The following RANBP2 variants were observed in gnomAD, a reference collection of about 807,000 sequenced individuals.
The protein encoded by RANBP2 is RAN binding protein 2.
RANBP2 carries 57 observed loss-of-function variants against 303.6 expected under a neutral mutation model. That is an observed-to-expected ratio of 0.19 (90% CI 0.15 to 0.23). RANBP2 has a LOEUF of 0.23. Ranked by LOEUF, RANBP2 falls within the 10% of genes least tolerant of loss-of-function variation. The pLI, the probability that RANBP2 is intolerant of heterozygous loss-of-function variation, is 1.00. For missense variants in RANBP2, 3,138 were observed against 3,780.8 expected (o/e 0.83, Z 4.46); for synonymous variants, 1,167 against 1,301.5 (o/e 0.90, Z 2.23).
At chr2:108,926,862 G>T in the RANBP2 span, among the ~76,000 whole-genome samples, 1 of 152,340 alleles carries the variant, frequency 6.6e-6, no homozygotes, top group Admixed American at 6.5e-5. Flanking sequence ...AGGAATGAAC[G>T]CAGCCTTTCA....
the RANBP2 span, among the ~76,000 whole-genome samples, chr2:109,403,543 C>T: frequency 6.6e-6 from 1 of 152,246 alleles, no homozygotes; most frequent in East Asian, 1.9e-4. Context: ...CCAGTTTACT[C>T]CATAAAATGC....
chr2:109,243,244 T>C, the RANBP2 span, among the ~76,000 whole-genome samples: 2 of 152,202 alleles, frequency 1.3e-5, no homozygotes, highest in Non-Finnish European at 2.9e-5. Context: ...GAGGGACCCA[T>C]CAGCAACTGC....
At chr2:109,512,523 G>A in the RANBP2 span, among the ~76,000 whole-genome samples, 1 of 151,972 alleles carries the variant, frequency 6.6e-6, no homozygotes, top group Non-Finnish European at 1.5e-5. Flanking sequence ...AAGTCCCCTC[G>A]CTACCCTCCC....
chr2:109,447,164 A>AG, the RANBP2 span, among the ~76,000 whole-genome samples: 4 of 149,878 alleles, frequency 2.7e-5, no homozygotes, highest in East Asian at 1.9e-4. Flanking sequence ...AAAAAAAAAA[A>AG]AAAAGAAAAG....
chr2:108,879,261 T>G, the RANBP2 span, among the ~76,000 whole-genome samples: 3 of 152,210 alleles, frequency 2.0e-5, no homozygotes, highest in Admixed American at 6.5e-5. Context: ...CATGAACCAA[T>G]GTGCCTAGCC....
the RANBP2 span, among the ~76,000 whole-genome samples, chr2:109,146,006 G>A: frequency 3.9e-5 from 6 of 152,156 alleles, no homozygotes; most frequent in African/African-American, 1.4e-4. Context: ...CCTCCCGGCC[G>A]CAGTGTCCTT....
chr2:109,476,234 A>G, the RANBP2 span, among the ~76,000 whole-genome samples: 5 of 152,334 alleles, frequency 3.3e-5, no homozygotes, highest in East Asian at 9.6e-4. Flanking sequence ...CAGGCCTGCT[A>G]GCACCCACAG....
the RANBP2 span, among the ~76,000 whole-genome samples, chr2:109,000,553 C>A: frequency 3.3e-5 from 5 of 152,040 alleles, no homozygotes; most frequent in Admixed American, 3.3e-4. Context: ...AAACAAAAAC[C>A]CAAAATAAAC....
the RANBP2 span, chr2:109,737,118 A>G: frequency 1.7e-6 from 2 of 1,202,268 alleles, no homozygotes; most frequent in African/African-American, 3.1e-5. Flanking sequence ...CATACAAAAT[A>G]TTCCAGACAA....
At chr2:108,868,254 A>G in the RANBP2 span, among the ~76,000 whole-genome samples, 2 of 152,198 alleles carry the variant, frequency 1.3e-5, no homozygotes, top group Non-Finnish European at 2.9e-5. Flanking sequence ...ATATCATATT[A>G]GTATAGTATT....
the RANBP2 span, among the ~76,000 whole-genome samples, chr2:109,580,190 A>AC: frequency 6.6e-6 from 1 of 152,010 alleles, no homozygotes; most frequent in African/African-American, 2.4e-5. Context: ...GCAAAAAAAA[A>AC]CTAAAAGAAA....
chr2:109,217,513 G>A, the RANBP2 span, among the ~76,000 whole-genome samples: 39 of 152,266 alleles, frequency 2.6e-4, no homozygotes, highest in Non-Finnish European at 2.1e-4. Flanking sequence ...AAGTCATCCC[G>A]GGCTTCCCCA....
Position 108,754,946 on chromosome 2 carries a change from A to T in RANBP2, c.2244A>T (p.Ser748=). ...AGTCTGTAAAAGAGATGCTTAATTCAGTCATGCAGGAACTCGAAGACTATA... is the reference window on the plus strand; with the variant it reads ...AGTCTGTAAAAGAGATGCTTAATTCTGTCATGCAGGAACTCGAAGACTATA... ...PLESVKEMLN[S]VMQELEDYSE... is the part of the protein sequence containing the mutation. The change falls in exon 16 of 29, where the codon TCA becomes TCT. Residue 748 remains serine, a synonymous_variant. Transcript: ENST00000283195. 2.5e-6 allele frequency: 4 copies of T among 1,611,864 alleles called. No homozygotes were observed.
At chr2:108,752,069 T>A (rs1675927388) in intron 12 of RANBP2, 75 bp downstream of exon 12, 14 of 1,600,138 alleles carry the variant, frequency 8.7e-6, no homozygotes, top group Non-Finnish European at 1.2e-5. Context: ...TTATTGAAAG[T>A]TTTTTTGTTC....
chr2:109,039,070 C>A, the RANBP2 span, among the ~76,000 whole-genome samples: 1 of 152,156 alleles, frequency 6.6e-6, no homozygotes, highest in African/African-American at 2.4e-5. Flanking sequence ...AGTAAAGCAA[C>A]TTACCCTCCA....
chr2:108,800,043 T>TA, the RANBP2 span, among the ~76,000 whole-genome samples: 1 of 152,210 alleles, frequency 6.6e-6, no homozygotes, highest in Admixed American at 6.5e-5. Context: ...GAGCATAGTT[T>TA]AAAAACTATG....
the RANBP2 span, among the ~76,000 whole-genome samples, chr2:109,327,064 A>G: frequency 1.3e-5 from 2 of 152,242 alleles, no homozygotes; most frequent in Non-Finnish European, 2.9e-5. Context: ...GAAGGTTTTT[A>G]AAAACATTTA....
chr2:109,471,217 A>G, the RANBP2 span, among the ~76,000 whole-genome samples: 1 of 151,482 alleles, frequency 6.6e-6, no homozygotes, highest in Non-Finnish European at 1.5e-5. Flanking sequence ...AAAAAAAAAA[A>G]AAAAAAAAAA....
chr2:108,971,210 G>A, the RANBP2 span, among the ~76,000 whole-genome samples: 2 of 152,102 alleles, frequency 1.3e-5, no homozygotes, highest in East Asian at 3.8e-4. Context: ...CATGAGGGTG[G>A]GAATCATCTT....
Sources: gnomAD v4.1 joint callset for allele counts (sites outside exome capture counted in the v4.1 genomes callset) on GRCh38, gnomAD v4.1.1 for gene constraint, MANE v1.5 for transcripts, NCBI Gene and HGNC (gene_info 2026-07-23, HGNC 2026-07-21) for gene names.